ELK3: variants seen among roughly 807,000 people sequenced by gnomAD.
ELK3 encodes the protein ETS transcription factor ELK3.
ELK3 carries 10 observed loss-of-function variants against 28.9 expected under a neutral mutation model. The observed-to-expected ratio is 0.35, with a 90% CI of 0.21 to 0.59. The LOEUF is 0.59. Ranked by LOEUF, ELK3 falls within the 20% of genes least tolerant of loss-of-function variation. The probability of loss-of-function intolerance (pLI) is 0.82; values close to 1 mark genes in which losing one functional copy is unlikely to be tolerated. For missense variants in ELK3, 463 were observed against 517.3 expected (o/e 0.90, Z 1.02); for synonymous variants, 272 against 243.5 (o/e 1.12, Z -1.09).
chr12:96,228,278 C>T (rs890743221), intron 2 of ELK3, among the ~76,000 whole-genome samples: 13 of 151,830 alleles, frequency 8.6e-5, no homozygotes, highest in South Asian at 4.2e-4. Flanking sequence ...ATTAGCTGGG[C>T]GTGGTGGTGC....
At chr12:96,196,699 T>C (rs760354331) in intron 1 of ELK3, among the ~76,000 whole-genome samples, 28 of 151,674 alleles carry the variant, frequency 1.8e-4, no homozygotes, top group Non-Finnish European at 1.8e-4. Flanking sequence ...TGAAAAGTGA[T>C]GGCCTTTCTA....
chr12:96,195,624 A>G (rs1414672355), intron 1 of ELK3, among the ~76,000 whole-genome samples: 1 of 152,120 alleles, frequency 6.6e-6, no homozygotes, highest in Non-Finnish European at 1.5e-5. Context: ...GAAGCAAGAA[A>G]TGTTATTTCA....
At chr12:96,195,914 C>T (rs1951462442) in intron 1 of ELK3, among the ~76,000 whole-genome samples, 1 of 123,148 alleles carries the variant, frequency 8.1e-6, no homozygotes, top group Non-Finnish European at 1.7e-5. Flanking sequence ...CATTTGAAAG[C>T]CCCTGGCCGG....
intron 2 of ELK3, among the ~76,000 whole-genome samples, chr12:96,245,872 C>CT (rs1229981900): frequency 6.6e-6 from 1 of 152,218 alleles, no homozygotes; most frequent in African/African-American, 2.4e-5. Context: ...ATGATTATTG[C>CT]TTTTCATTTA....
chr12:96,243,984 C>T (rs983301357), intron 2 of ELK3, among the ~76,000 whole-genome samples: 10 of 135,606 alleles, frequency 7.4e-5, no homozygotes, highest in South Asian at 2.4e-4. Context: ...CCAGCCTGGA[C>T]GACAGAGCAA....
At chr12:96,228,995 T>G (rs1951723313) in intron 2 of ELK3, among the ~76,000 whole-genome samples, 1 of 152,246 alleles carries the variant, frequency 6.6e-6, no homozygotes, top group African/African-American at 2.4e-5. Context: ...TAAAACTGAC[T>G]GTATTATGTC....
Position 96,240,539 on chromosome 12 carries a change from C to T in ELK3, c.208-6401C>T, listed in dbSNP as rs548622778. On this transcript the variant is annotated intron_variant, in intron 2 of 4. Transcript: ENST00000228741. ...ACTCTGGAGCCTCTCCTTTTAATCC[C>T]TGCAGCAGTCTTTGTGATAGGGTCA... 3.9e-5 allele frequency among the ~76,000 whole-genome samples: 6 copies of T among 152,300 alleles called. No individual in the cohort carries two copies. In the South Asian group the frequency reaches 1.0e-3, roughly 26 times the overall value.
chr12:96,241,900 C>T (rs76787814), intron 2 of ELK3, among the ~76,000 whole-genome samples: 32 of 152,306 alleles, frequency 2.1e-4, no homozygotes, highest in African/African-American at 7.0e-4. Context: ...CCTTGCTGCC[C>T]GTAACCTCAC....
intron 1 of ELK3, among the ~76,000 whole-genome samples, chr12:96,202,523 C>CTTTT (rs67138285): frequency 2.0e-4 from 22 of 108,614 alleles, no homozygotes; most frequent in African/African-American, 3.3e-4. Context: ...TTACCACAAG[C>CTTTT]TTTTTTTTTT....
At chr12:96,197,851 A>T (rs1285750192) in intron 1 of ELK3, among the ~76,000 whole-genome samples, 1 of 152,238 alleles carries the variant, frequency 6.6e-6, no homozygotes, top group Non-Finnish European at 1.5e-5. Context: ...CTGAGGTCAT[A>T]TATTAAAATT....
chr12:96,212,031 G>A (rs1035535973), intron 1 of ELK3, among the ~76,000 whole-genome samples: 20 of 152,128 alleles, frequency 1.3e-4, no homozygotes, highest in Non-Finnish European at 2.6e-4. Flanking sequence ...GTTTTCTTGG[G>A]CGATAAGAAC....
In ELK3 at chr12:96,267,375, CTGTT is replaced by C. The variant is rs1173290669; in HGVS notation, c.*198_*201del. The C allele has an allele frequency of 1.9e-5, 9 of 466,774 alleles. No individual in the cohort carries two copies. The highest frequency in any genetic ancestry group is 4.0e-5 in the African/African-American group (2 of 50,210). The allele number at this position is 466,774 out of a possible 1,614,324, so 28.9% of individuals were successfully genotyped here. On this transcript the variant is annotated 3_prime_UTR_variant, in exon 5 of 5. Coordinates refer to ENST00000228741, the MANE Select transcript of ELK3 (RefSeq NM_005230.4). ...GATATATTCAAGTATATATGAAAAT[CTGTT>C]TGGCATTAAGTGAATTTTAATGTTT...
rs201670464 is a variant in ELK3, at chr12:96,267,184, C to T, written c.*4C>T. On this transcript the variant is annotated 3_prime_UTR_variant, in exon 5 of 5. Coordinates refer to ENST00000228741, the MANE Select transcript of ELK3 (RefSeq NM_005230.4). ...TTCAAACTCTCAGAAATCCTGATGA[C>T]GTCTGGCCACAATTAAGGACTCATT... 664 of 1,610,594 alleles carry T rather than the reference C, an allele frequency of 4.1e-4. No homozygotes were observed. Among genetic ancestry groups the T allele is most frequent in the Middle Eastern group, 1.5e-3 (9 of 6,056 alleles).
chr12:96,266,829 A>G (rs1000698817), intron 4 of ELK3, among the ~76,000 whole-genome samples: 12 of 152,242 alleles, frequency 7.9e-5, no homozygotes, highest in Non-Finnish European at 1.2e-4. Flanking sequence ...TATAAATTAT[A>G]TATTTTTTCC....
chr12:96,200,537 A>T (rs1466648582), intron 1 of ELK3, among the ~76,000 whole-genome samples: 1 of 152,080 alleles, frequency 6.6e-6, no homozygotes, highest in Non-Finnish European at 1.5e-5. Context: ...TGGTTCTGTC[A>T]CCCAGGCTGG....
At chr12:96,212,736 T>G (rs926509494) in intron 1 of ELK3, 3 of 152,142 alleles carry the variant, frequency 2.0e-5, no homozygotes, top group Admixed American at 2.0e-4. Context: ...AGAGATTAAA[T>G]GAAGATGTGT....
At chr12:96,216,196 C>T (rs150053228) in intron 1 of ELK3, among the ~76,000 whole-genome samples, 56 of 152,274 alleles carry the variant, frequency 3.7e-4, no homozygotes, top group African/African-American at 1.2e-3. Flanking sequence ...TTTCTTTCTT[C>T]GCTATCTGAC....
chr12:96,198,854 CTTT>C (rs947910146), intron 1 of ELK3, among the ~76,000 whole-genome samples: 2 of 152,136 alleles, frequency 1.3e-5, no homozygotes, highest in Non-Finnish European at 2.9e-5. Context: ...TGTTTTATAA[CTTT>C]TTTCACTTAA....
Position 96,247,062 on chromosome 12 carries a change from C to T in ELK3, c.330C>T (p.Ser110=), listed in dbSNP as rs368663242. ...ISRESLLLQD[S]DCKASPEGRE... ...GGGAGAGCCTTCTGCTGCAGGACAG[C>T]GACTGCAAGGCGTCTCCGGAGGGCC... The change falls in exon 3 of 5, where the codon AGC becomes AGT. Residue 110 remains serine, a synonymous_variant. Coordinates refer to ENST00000228741, the MANE Select transcript of ELK3 (RefSeq NM_005230.4). This position sits in a 1 kb window ranked among gnomAD's most constrained non-coding sequence, Gnocchi z 5.5. 12 of 1,613,990 alleles carry T rather than the reference C, an allele frequency of 7.4e-6. No individual in the cohort carries two copies. The highest frequency in any genetic ancestry group is 4.5e-5 in the East Asian group (2 of 44,880).
Sources: allele counts gnomAD v4.1 joint callset (sites outside exome capture counted in the v4.1 genomes callset), GRCh38; gene constraint gnomAD v4.1.1; non-coding constraint Gnocchi (gnomAD v3.1); transcripts MANE v1.5; gene names NCBI Gene and HGNC (gene_info 2026-07-23, HGNC 2026-07-21).